Variants in YAF2 observed in about 807,000 individuals in gnomAD.
YAF2 encodes the protein YY1 associated factor 2, also known as YY1-associated factor 2.
Under a neutral mutation model 20.1 loss-of-function variants are expected in YAF2, and 7 were observed. The ratio of observed to expected loss-of-function variants is 0.35; its 90% CI spans 0.20 to 0.65. The LOEUF (loss-of-function observed/expected upper bound fraction) is 0.65, where lower values mean the gene tolerates loss of function less well. Ranked by LOEUF, YAF2 falls within the 30% of genes least tolerant of loss-of-function variation. YAF2 has a pLI of 0.69. For missense variants in YAF2, 151 were observed against 219.2 expected (o/e 0.69, Z 1.96); for synonymous variants, 74 against 76.0 (o/e 0.97, Z 0.14).
rs151304821 is a variant in YAF2 at position 42,177,444 on chromosome 12, C to A, written c.153-15679G>T. On this transcript the variant is annotated intron_variant, in intron 2 of 3. Transcript: ENST00000534854. The stretch of plus-strand genomic sequence containing the variant: ...ACAGACGGCCATGTTCTCACTGTGT[C>A]CTCACAAGGCCTTTCCTCAGTGCAT... 7.3e-3 allele frequency among the ~76,000 whole-genome samples: 1,106 copies of A among 152,258 alleles called. 14 individuals carry two copies. Among genetic ancestry groups the A allele is most frequent in the African/African-American group, 0.025 (1,046 of 41,546 alleles).
chr12:42,210,266 C>T (rs184357585), intron 2 of YAF2: 54 of 714,538 alleles, frequency 7.6e-5, no homozygotes, highest in Non-Finnish European at 1.1e-4. Flanking sequence ...CAAGTAACTT[C>T]CTTTCTTTTC....
chr12:42,213,235 G>A (rs1481261395), intron 2 of YAF2, among the ~76,000 whole-genome samples: 1 of 152,226 alleles, frequency 6.6e-6, no homozygotes, highest in Non-Finnish European at 1.5e-5. Flanking sequence ...ACAGCCAGAT[G>A]CCTGAGGCCT....
At chr12:42,175,651 C>A (rs1443958145) in intron 2 of YAF2, among the ~76,000 whole-genome samples, 1 of 133,476 alleles carries the variant, frequency 7.5e-6, no homozygotes, top group Non-Finnish European at 1.5e-5. Context: ...CCGAGGTGGG[C>A]AGATCATGAG....
chr12:42,206,317 AG>A (rs1447966813), intron 2 of YAF2, among the ~76,000 whole-genome samples: 4 of 134,492 alleles, frequency 3.0e-5, no homozygotes, highest in Admixed American at 2.3e-4. Context: ...AAAAAAAAAA[AG>A]TGACGTCTGG....
intron 2 of YAF2, among the ~76,000 whole-genome samples, chr12:42,191,545 T>C (rs1212793798): frequency 1.3e-5 from 2 of 152,196 alleles, no homozygotes; most frequent in Non-Finnish European, 2.9e-5. Context: ...GGGGCCTTTA[T>C]ACTTTTAACA....
intron 2 of YAF2, chr12:42,233,668 C>T: frequency 4.4e-6 from 3 of 684,800 alleles, no homozygotes; most frequent in Non-Finnish European, 5.4e-6. Context: ...TGCACCACCA[C>T]ACCCAGCTAA....
intron 2 of YAF2, among the ~76,000 whole-genome samples, chr12:42,198,115 TA>T (rs199662584): frequency 2.5e-4 from 37 of 147,446 alleles, no homozygotes; most frequent in South Asian, 8.6e-4. Context: ...CCTCACCTTA[TA>T]AAAAAAAAAG....
chr12:42,186,938 G>A (rs911223354), intron 2 of YAF2, among the ~76,000 whole-genome samples: 2 of 151,978 alleles, frequency 1.3e-5, no homozygotes, highest in Admixed American at 6.6e-5. Flanking sequence ...CCAATTCAGC[G>A]AACTATAATT....
At chr12:42,232,527 TAGAATA>T in intron 2 of YAF2, 1 of 985,354 alleles carries the variant, frequency 1.0e-6, no homozygotes, top group Middle Eastern at 5.2e-4. Flanking sequence ...AGAAATCTCC[TAGAATA>T]AGGAGTCTCT....
chr12:42,203,814 A>C (rs1392815162), intron 2 of YAF2, among the ~76,000 whole-genome samples: 2 of 152,224 alleles, frequency 1.3e-5, no homozygotes, highest in Non-Finnish European at 2.9e-5. Context: ...CTTGCCTGAT[A>C]AACAGGTAGG....
intron 2 of YAF2, among the ~76,000 whole-genome samples, chr12:42,226,575 G>T (rs10785334): frequency 6.6e-6 from 1 of 151,840 alleles, no homozygotes; most frequent in Non-Finnish European, 1.5e-5. Flanking sequence ...AAGGTGGGGG[G>T]ACCACTTCAA....
At chr12:42,164,796 G>A (rs1240914353) in intron 2 of YAF2, among the ~76,000 whole-genome samples, 11 of 152,070 alleles carry the variant, frequency 7.2e-5, no homozygotes, top group Admixed American at 4.6e-4. Flanking sequence ...ACAACCAAGC[G>A]TGGTGGCTCA....
chr12:42,163,590 C>T (rs1001779455), intron 2 of YAF2, among the ~76,000 whole-genome samples: 2 of 152,064 alleles, frequency 1.3e-5, no homozygotes, highest in Non-Finnish European at 2.9e-5. Context: ...TAAATGTATA[C>T]TACACAACTA....
At chr12:42,222,518 TAGA>T (rs2067549476) in intron 2 of YAF2, among the ~76,000 whole-genome samples, 1 of 152,128 alleles carries the variant, frequency 6.6e-6, no homozygotes. Flanking sequence ...GATGAGCAAA[TAGA>T]AGGATATATA....
intron 2 of YAF2, among the ~76,000 whole-genome samples, chr12:42,201,162 A>G (rs892401532): frequency 6.6e-6 from 1 of 152,146 alleles, no homozygotes; most frequent in African/African-American, 2.4e-5. Context: ...ACAGGCATTT[A>G]GATTATTTTT....
chr12:42,203,066 C>CAA (rs779968033), intron 2 of YAF2, among the ~76,000 whole-genome samples: 7 of 113,472 alleles, frequency 6.2e-5, no homozygotes, highest in East Asian at 2.6e-4. Context: ...TCATTTTCCA[C>CAA]AAAAAAAAAA....
intron 2 of YAF2, chr12:42,237,380 CTT>C: frequency 8.0e-7 from 1 of 1,252,640 alleles, no homozygotes; most frequent in Non-Finnish European, 1.0e-6. Flanking sequence ...TTTATTCTCT[CTT>C]GGCAGCAAAA....
At chr12:42,201,384 CT>C in intron 2 of YAF2, among the ~76,000 whole-genome samples, 1 of 152,302 alleles carries the variant, frequency 6.6e-6, no homozygotes, top group East Asian at 1.9e-4. Flanking sequence ...GACTAAGCAT[CT>C]TTTCAGTTCA....
At chr12:42,204,380 G>T (rs2066982384) in intron 2 of YAF2, among the ~76,000 whole-genome samples, 1 of 152,142 alleles carries the variant, frequency 6.6e-6, no homozygotes, top group Admixed American at 6.5e-5. Context: ...ATATGTGGGG[G>T]GAAAAGTTGT....
Sources: allele counts gnomAD v4.1 joint callset (sites outside exome capture counted in the v4.1 genomes callset), GRCh38; gene constraint gnomAD v4.1.1; transcripts MANE v1.5; gene names NCBI Gene and HGNC (gene_info 2026-07-23, HGNC 2026-07-21).